HCN1: variants seen among roughly 807,000 people sequenced by gnomAD.
HCN1 encodes hyperpolarization activated cyclic nucleotide gated potassium channel 1.
HCN1 carries 13 observed loss-of-function variants against 78.9 expected under a neutral mutation model. The ratio of observed to expected loss-of-function variants is 0.16; its 90% CI spans 0.11 to 0.26. The LOEUF (loss-of-function observed/expected upper bound fraction) is 0.26, where lower values mean the gene tolerates loss of function less well. HCN1 is among the 10% of genes least tolerant of loss of function. The pLI is 1.00. For missense variants in HCN1, 810 were observed against 1,154.3 expected (o/e 0.70, Z 4.32); for synonymous variants, 552 against 455.5 (o/e 1.21, Z -2.70).
intron 2 of HCN1, among the ~76,000 whole-genome samples, chr5:45,465,585 T>A (rs1020559909): frequency 6.6e-6 from 1 of 151,960 alleles, no homozygotes. Flanking sequence ...TGAACCCTTG[T>A]CTCTACTAAA....
chr5:45,286,427 C>T (rs1003945354), intron 6 of HCN1, among the ~76,000 whole-genome samples: 5 of 151,888 alleles, frequency 3.3e-5, no homozygotes, highest in African/African-American at 1.2e-4. Flanking sequence ...AAAATAAGAA[C>T]TTTTAACATA....
chr5:45,375,839 A>G (rs1161143134), intron 4 of HCN1, among the ~76,000 whole-genome samples: 5 of 120,800 alleles, frequency 4.1e-5, no homozygotes, highest in African/African-American at 1.7e-4. Flanking sequence ...TATATCTTAT[A>G]TATAATATAA....
intron 2 of HCN1, chr5:45,576,437 G>C (rs1388497713): frequency 6.6e-6 from 1 of 152,064 alleles, no homozygotes; most frequent in Non-Finnish European, 1.5e-5. Context: ...ATAAGCTACA[G>C]ATACATTTTT....
intron 6 of HCN1, among the ~76,000 whole-genome samples, chr5:45,289,726 C>A (rs1299078095): frequency 6.6e-6 from 1 of 152,014 alleles, no homozygotes; most frequent in East Asian, 1.9e-4. Context: ...TTCTATTCAG[C>A]ACTGTATTAG....
chr5:45,304,689 A>T (rs1210823677), intron 5 of HCN1, among the ~76,000 whole-genome samples: 1 of 152,156 alleles, frequency 6.6e-6, no homozygotes, highest in Non-Finnish European at 1.5e-5. Flanking sequence ...AGATTAAAAA[A>T]ATAAAATTAT....
chr5:45,384,609 T>C (rs1205418803), intron 4 of HCN1, among the ~76,000 whole-genome samples: 1 of 152,172 alleles, frequency 6.6e-6, no homozygotes, highest in Admixed American at 6.6e-5. Context: ...GTTTGATCTT[T>C]CTCAAATAAA....
intron 2 of HCN1, among the ~76,000 whole-genome samples, chr5:45,565,667 T>C (rs1241976878): frequency 1.3e-5 from 2 of 151,530 alleles, no homozygotes; most frequent in African/African-American, 2.4e-5. Flanking sequence ...TACAAAAAAA[T>C]CAAAAAAATA....
Position 45,303,779 on chromosome 5 carries a change from C to T in HCN1, c.1438G>A (p.Asp480Asn), listed in dbSNP as rs771234977. 3 of 1,613,520 alleles carry T rather than the reference C, an allele frequency of 1.9e-6. No homozygotes were observed. Among genetic ancestry groups the T allele is most frequent in the Non-Finnish European group, 2.5e-6 (3 of 1,179,756 alleles). ...VATMPLFANA[D>N]PNFVTAMLSK... The stretch of plus-strand genomic sequence containing the variant: ...AGCATGGCAGTCACAAAATTAGGAT[C>T]CGCATTAGCAAATAAAGGCATTGTA... Residue 480 changes from aspartate (D) to asparagine (N), a missense_variant, in exon 6 of 8, where the codon GAT becomes AAT. This residue lies in a region of HCN1 where 100 missense variants were observed against 126.8 expected (regional missense o/e 0.79). Coordinates refer to ENST00000303230, the MANE Select transcript of HCN1 (RefSeq NM_021072.4).
chr5:45,343,427 C>T (rs1175112357), intron 5 of HCN1, among the ~76,000 whole-genome samples: 2 of 152,098 alleles, frequency 1.3e-5, no homozygotes, highest in Admixed American at 1.3e-4. Context: ...ATGTGAGATG[C>T]TTTAGTTTAG....
chr5:45,650,630 A>G (rs1314203663), intron 1 of HCN1, among the ~76,000 whole-genome samples: 1 of 152,080 alleles, frequency 6.6e-6, no homozygotes, highest in Non-Finnish European at 1.5e-5. Flanking sequence ...ACTAATAAGT[A>G]TAATATTAAC....
chr5:45,650,442 A>G lies in HCN1; in HGVS notation c.426-4834T>C, dbSNP rs142682796. On this transcript the variant is annotated intron_variant, in intron 1 of 7. Transcript: ENST00000303230. ...CTTATAATAAAACCCCATCAACTGAAGGGGATGGAGAAAGAAACTGTTACG... is the reference window on the plus strand; with the variant it reads ...CTTATAATAAAACCCCATCAACTGAGGGGGATGGAGAAAGAAACTGTTACG... 7.1e-3 allele frequency among the ~76,000 whole-genome samples: 1,082 copies of G among 152,124 alleles called. 7 individuals are homozygous for G. The highest frequency in any genetic ancestry group is 0.012 in the South Asian group (56 of 4,822).
intron 6 of HCN1, among the ~76,000 whole-genome samples, chr5:45,291,562 T>G (rs1036203663): frequency 3.3e-5 from 5 of 152,044 alleles, no homozygotes; most frequent in Non-Finnish European, 5.9e-5. Context: ...ATTTATTTTT[T>G]GAGACAGAGT....
chr5:45,410,164 G>C (rs1209083677), intron 3 of HCN1, among the ~76,000 whole-genome samples: 3 of 151,958 alleles, frequency 2.0e-5, no homozygotes, highest in Admixed American at 6.6e-5. Context: ...ATTATCACAA[G>C]AGCCTTGTGG....
intron 5 of HCN1, among the ~76,000 whole-genome samples, chr5:45,329,631 T>G (rs1746305417): frequency 6.6e-6 from 1 of 151,524 alleles, no homozygotes; most frequent in African/African-American, 2.4e-5. Flanking sequence ...AAATTATTTT[T>G]GCAATGACTC....
At chr5:45,434,897 T>G (rs1409168535) in intron 3 of HCN1, among the ~76,000 whole-genome samples, 1 of 152,088 alleles carries the variant, frequency 6.6e-6, no homozygotes, top group Non-Finnish European at 1.5e-5. Context: ...ATTATAGTCC[T>G]GATCATCCAA....
chr5:45,271,348 G>A (rs1447495944), intron 6 of HCN1, among the ~76,000 whole-genome samples: 6 of 143,780 alleles, frequency 4.2e-5, no homozygotes, highest in East Asian at 2.1e-4. Context: ...CTGGTTTCCT[G>A]CTGATTCAGG....
At chr5:45,457,280 G>T (rs1473820883) in intron 3 of HCN1, among the ~76,000 whole-genome samples, 1 of 151,952 alleles carries the variant, frequency 6.6e-6, no homozygotes, top group East Asian at 1.9e-4. Context: ...TTCTTAAAAT[G>T]AATATTTCAT....
intron 2 of HCN1, among the ~76,000 whole-genome samples, chr5:45,497,250 G>A (rs1198015718): frequency 1.3e-5 from 2 of 152,102 alleles, no homozygotes; most frequent in Middle Eastern, 6.8e-3. Context: ...CAATTCCTGG[G>A]TATCCTTGTT....
intron 2 of HCN1, among the ~76,000 whole-genome samples, chr5:45,607,507 T>C (rs1012860059): frequency 1.1e-4 from 16 of 151,086 alleles, no homozygotes; most frequent in Admixed American, 4.0e-4. Flanking sequence ...AATTTCCTTA[T>C]TTAATTAGTT....
Sources: gnomAD v4.1 joint callset for allele counts (sites outside exome capture counted in the v4.1 genomes callset) on GRCh38, gnomAD v4.1.1 for gene constraint, gnomAD v4.1.1 regional missense constraint, MANE v1.5 for transcripts, NCBI Gene and HGNC (gene_info 2026-07-23, HGNC 2026-07-21) for gene names.